The following LRRTM3 variants were observed in gnomAD, a reference collection of about 807,000 sequenced individuals.
LRRTM3 encodes leucine-rich repeat transmembrane neuronal protein 3.
A neutral mutation model predicts 44.7 loss-of-function variants in LRRTM3; 24 were observed. The ratio of observed to expected loss-of-function variants is 0.54; its 90% confidence interval spans 0.39 to 0.76. LRRTM3 has a LOEUF of 0.76. Ranked by LOEUF, LRRTM3 falls within the 30% of genes least tolerant of loss-of-function variation. The probability of loss-of-function intolerance (pLI) is 0.00; values close to 1 mark genes in which losing one functional copy is unlikely to be tolerated. For synonymous variants in LRRTM3, 277 were observed against 278.7 expected, an observed-to-expected ratio of 0.99 and a Z score of 0.06; for missense variants, 587 against 702.2, an observed-to-expected ratio of 0.84 and a Z score of 1.85.
At chr10:67,034,724 G>C (rs1853936751) in intron 2 of LRRTM3, among the ~76,000 whole-genome samples, 1 of 152,092 alleles carries the variant, frequency 6.6e-6, no homozygotes, top group African/African-American at 2.4e-5. Flanking sequence ...TGCAAAAACT[G>C]ACTCTCTAGT....
intron 2 of LRRTM3, among the ~76,000 whole-genome samples, chr10:66,960,744 G>A (rs1437704867): frequency 3.3e-5 from 5 of 152,226 alleles, no homozygotes; most frequent in Middle Eastern, 6.8e-3. Context: ...GAACAGAACA[G>A]AATGGCATAG....
chr10:66,946,337 A>G (rs1848272762), intron 2 of LRRTM3, among the ~76,000 whole-genome samples: 1 of 152,206 alleles, frequency 6.6e-6, no homozygotes. Flanking sequence ...CAGCATAATT[A>G]AGTTAGCAAT....
chr10:67,033,766 A>G (rs1853873478), intron 2 of LRRTM3, among the ~76,000 whole-genome samples: 1 of 152,046 alleles, frequency 6.6e-6, no homozygotes, highest in African/African-American at 2.4e-5. Flanking sequence ...CTTTTACTGT[A>G]TAGTGTTTCT....
intron 2 of LRRTM3, among the ~76,000 whole-genome samples, chr10:66,959,238 T>C (rs1848991985): frequency 6.6e-6 from 1 of 152,154 alleles, no homozygotes; most frequent in African/African-American, 2.4e-5. Context: ...TCTTCCTCTC[T>C]ATAGAATTTC....
chr10:66,975,891 C>A (rs1227335914), intron 2 of LRRTM3, among the ~76,000 whole-genome samples: 1 of 152,188 alleles, frequency 6.6e-6, no homozygotes, highest in Non-Finnish European at 1.5e-5. Context: ...ATCAGTATAT[C>A]AATACCTCCT....
chr10:66,926,077 A>AG lies in LRRTM3; in HGVS notation c.-506dup, dbSNP rs1470360216. 6 of 457,634 alleles carry AG rather than the reference A, an allele frequency of 1.3e-5. No homozygotes were observed. In the East Asian group the frequency reaches 4.2e-4, roughly 32 times the overall value. 28.3% of individuals were successfully genotyped at this position (457,634 alleles called of 1,614,324 possible). On this transcript the variant is annotated 5_prime_UTR_variant, in exon 1 of 3. The change abolishes the stop of an existing upstream ORF in the 5' untranslated region. Coordinates refer to ENST00000361320, the MANE Select transcript of LRRTM3 (RefSeq NM_178011.5). Reference sequence around the variant, plus strand: ...TTCAGAATGACAGTCTGCAGAAGTGAGCTGAGCGTGTGCGCGGTACGGGGC... The same window carrying AG: ...TTCAGAATGACAGTCTGCAGAAGTGAGGCTGAGCGTGTGCGCGGTACGGGGC...
In LRRTM3 at chr10:66,927,596, G is replaced by C; in HGVS notation, c.680G>C (p.Arg227Thr). The change falls in exon 2 of 3, where the codon AGG becomes ACG. Residue 227 changes from arginine to threonine, a missense_variant. Physicochemically the swap from Arg to Thr is moderately conservative, Grantham distance 71 (BLOSUM62 -1). Around this residue, in one of 3 missense-constraint regions of LRRTM3, gnomAD observed 222 missense variants for 323.3 expected, o/e 0.69. Coordinates refer to ENST00000361320, the MANE Select transcript of LRRTM3 (RefSeq NM_178011.5). The surrounding 1 kb of genome is among the most constrained non-coding windows in gnomAD (Gnocchi z 4.7). ...AAGCTCAACCTGGCCCTTTTTCCAAGGTTGGTCAGCCTTCAGAACCTTTAC... is the reference window on the plus strand; with the variant it reads ...AAGCTCAACCTGGCCCTTTTTCCAACGTTGGTCAGCCTTCAGAACCTTTAC... ...FSKLNLALFP[R>T]LVSLQNLYLQ... 1.2e-6 allele frequency: 2 copies of C among 1,614,150 alleles called. No homozygotes were observed. Among genetic ancestry groups the C allele is most frequent in the Non-Finnish European group, 1.7e-6 (2 of 1,180,036 alleles).
At chr10:66,986,172 A>G (rs1392194212) in intron 2 of LRRTM3, among the ~76,000 whole-genome samples, 2 of 152,130 alleles carry the variant, frequency 1.3e-5, no homozygotes, top group Non-Finnish European at 2.9e-5. Context: ...GTGCCTGTAT[A>G]CTTTAGATAT....
intron 2 of LRRTM3, among the ~76,000 whole-genome samples, chr10:67,052,432 C>T (rs943977298): frequency 9.2e-5 from 14 of 151,942 alleles, no homozygotes; most frequent in South Asian, 2.1e-4. Context: ...AGGCCTAGAA[C>T]GAAATGGGCT....
At position 66,948,305 on chromosome 10, in the gene LRRTM3, C is replaced by A. The variant is rs1412335516; in HGVS notation, c.1536+19853C>A. ...ATGTACAAAGAAAGTTTTAATAAAGCTTTTCTGAATGCATTGACCAAAGAT... is the reference window on the plus strand; with the variant it reads ...ATGTACAAAGAAAGTTTTAATAAAGATTTTCTGAATGCATTGACCAAAGAT... On this transcript the variant is annotated intron_variant, in intron 2 of 2. Coordinates refer to ENST00000361320, the MANE Select transcript of LRRTM3 (RefSeq NM_178011.5). Among the ~76,000 whole-genome samples the A allele has an allele frequency of 4.6e-5, 7 of 152,300 alleles. No individual in the cohort carries two copies. In the East Asian group the frequency reaches 7.7e-4, roughly 17 times the overall value.
At chr10:67,052,627 T>A (rs1855181093) in intron 2 of LRRTM3, 1 of 152,136 alleles carries the variant, frequency 6.6e-6, no homozygotes, top group Non-Finnish European at 1.5e-5. Flanking sequence ...TCAAAGGTTC[T>A]AAAATATGCT....
chr10:67,069,237 C>G (rs1856284255), intron 2 of LRRTM3, among the ~76,000 whole-genome samples: 1 of 151,754 alleles, frequency 6.6e-6, no homozygotes, highest in African/African-American at 2.4e-5. Flanking sequence ...AAAGTATACC[C>G]TTTTTTAAAA....
At chr10:67,014,054 A>C (rs74737936) in intron 2 of LRRTM3, among the ~76,000 whole-genome samples, 2,468 of 152,270 alleles carry the variant, frequency 0.016, 84 homozygotes, top group African/African-American at 0.055. Context: ...GAGTGTAAAA[A>C]ATAACCTTTT....
At chr10:66,992,831 T>G (rs1023577023) in intron 2 of LRRTM3, among the ~76,000 whole-genome samples, 2 of 152,150 alleles carry the variant, frequency 1.3e-5, no homozygotes, top group African/African-American at 2.4e-5. Context: ...TTTTAATGCC[T>G]TTTTAGTGAT....
At chr10:67,003,230 A>G (rs1851783144) in intron 2 of LRRTM3, among the ~76,000 whole-genome samples, 2 of 152,162 alleles carry the variant, frequency 1.3e-5, no homozygotes, top group African/African-American at 4.8e-5. Flanking sequence ...GACTAATAAT[A>G]TTGGGGAATA....
chr10:67,045,708 G>A (rs1854696634), intron 2 of LRRTM3, among the ~76,000 whole-genome samples: 1 of 152,160 alleles, frequency 6.6e-6, no homozygotes, highest in Admixed American at 6.5e-5. Flanking sequence ...GGGATAGCGG[G>A]GGACCGACAT....
At chr10:67,091,933 G>A (rs146629886) in intron 2 of LRRTM3, among the ~76,000 whole-genome samples, 1,716 of 152,094 alleles carry the variant, frequency 0.011, 20 homozygotes, top group African/African-American at 0.037. Context: ...TCATTAACTA[G>A]AAGAAGACTG....
At chr10:67,030,724 G>C (rs1003848178) in intron 2 of LRRTM3, among the ~76,000 whole-genome samples, 1 of 152,078 alleles carries the variant, frequency 6.6e-6, no homozygotes, top group Non-Finnish European at 1.5e-5. Context: ...GAAAAGTACC[G>C]GTCAGATGCG....
At position 66,928,547 on chromosome 10, in the gene LRRTM3, C is replaced by G. The variant is rs1847202459; in HGVS notation, c.1536+95C>G. ...GACTATCAAGGGAACGCGATGCCCC[C>G]CCTCCCCTTCCCTCTCCCTCTCACT... On this transcript the variant is annotated intron_variant, in intron 2 of 2. Transcript: ENST00000361320. The G allele has an allele frequency of 4.5e-6, 5 of 1,104,136 alleles. No individual in the cohort carries two copies. In the South Asian group the frequency reaches 6.6e-5, roughly 15 times the overall value. 68.4% of individuals were successfully genotyped at this position (1,104,136 alleles called of 1,614,324 possible).
Sources: allele counts gnomAD v4.1 joint callset (sites outside exome capture counted in the v4.1 genomes callset), GRCh38; gene constraint gnomAD v4.1.1; regional missense constraint gnomAD v4.1.1; non-coding constraint Gnocchi (gnomAD v3.1); transcripts MANE v1.5; gene names NCBI Gene and HGNC (gene_info 2026-07-23, HGNC 2026-07-21).